The following MTARC2 variants were observed in gnomAD, a reference collection of about 807,000 sequenced individuals.
The protein encoded by MTARC2 is MOCO sulphurase C-terminal domain containing 2.
A neutral mutation model predicts 35.6 loss-of-function variants in MTARC2; 27 were observed. The observed-to-expected ratio is 0.76, with a 90% CI of 0.56 to 1.04. The LOEUF is 1.04. Among genes scored for constraint, MTARC2 ranks in the 50% least tolerant of loss-of-function variants. The pLI is 0.00. For missense variants in MTARC2, 412 were observed against 432.5 expected, an observed-to-expected ratio of 0.95 and a Z score of 0.42; for synonymous variants, 158 against 167.1, an observed-to-expected ratio of 0.95 and a Z score of 0.42.
At chr1:220,782,711 C>A (rs1672112411) in intron 7 of MTARC2, among the ~76,000 whole-genome samples, 1 of 152,178 alleles carries the variant, frequency 6.6e-6, no homozygotes, top group South Asian at 2.1e-4. Context: ...CACAACCTGA[C>A]CCTCCTTAAG....
intron 2 of MTARC2, 121 bp from the exon 3 acceptor site, chr1:220,761,537 G>C: frequency 1.1e-6 from 1 of 912,462 alleles, no homozygotes; most frequent in South Asian, 1.9e-5. Context: ...TTTGACCCAG[G>C]GACCACTTAA....
chr1:220,754,906 A>T (rs1287033986), intron 1 of MTARC2, 41 bp from the exon 2 acceptor site: 1 of 1,525,084 alleles, frequency 6.6e-7, no homozygotes. Context: ...TGGGAGGTGG[A>T]AGAGGATTTT....
At chr1:220,759,643 G>A (rs337143) in intron 2 of MTARC2, among the ~76,000 whole-genome samples, 4,761 of 152,210 alleles carry the variant, frequency 0.031, 240 homozygotes, top group African/African-American at 0.1. Flanking sequence ...GAGGGGATGA[G>A]GGAAGAGCTC....
chr1:220,782,471 A>G (rs1672102715), intron 7 of MTARC2, among the ~76,000 whole-genome samples: 1 of 152,222 alleles, frequency 6.6e-6, no homozygotes, highest in Non-Finnish European at 1.5e-5. Context: ...CATTGATTTC[A>G]TTGTGTCCAA....
chr1:220,748,367 C>T lies in MTARC2; in HGVS notation c.-165C>T. The T allele has an allele frequency of 1.5e-6, 1 of 682,312 alleles. No individual in the cohort carries two copies. The highest frequency in any genetic ancestry group is 2.1e-6 in the Non-Finnish European group (1 of 478,158). The allele number at this position is 682,312 out of a possible 1,614,324, so 42.3% of individuals were successfully genotyped here. On this transcript the variant is annotated 5_prime_UTR_variant, in exon 1 of 8. Coordinates refer to ENST00000366913, the MANE Select transcript of MTARC2 (RefSeq NM_017898.5). ...CACCGCATTAAGGCATTCCCGCTCTCCGCGGAACTGCTCTGCCGTCTCGGC... is the reference window on the plus strand; with the variant it reads ...CACCGCATTAAGGCATTCCCGCTCTTCGCGGAACTGCTCTGCCGTCTCGGC...
chr1:220,766,822 T>C (rs533786431), intron 4 of MTARC2, among the ~76,000 whole-genome samples: 2 of 147,308 alleles, frequency 1.4e-5, no homozygotes, highest in East Asian at 4.1e-4. Context: ...TTCTTCTTCT[T>C]CTTTTTTTTT....
At chr1:220,762,652 G>A (rs1324512598) in intron 3 of MTARC2, among the ~76,000 whole-genome samples, 1 of 152,128 alleles carries the variant, frequency 6.6e-6, no homozygotes, top group African/African-American at 2.4e-5. Context: ...GAGTGGGAGT[G>A]GGAACCCAGG....
intron 4 of MTARC2, among the ~76,000 whole-genome samples, chr1:220,774,081 T>G (rs527351950): frequency 6.6e-6 from 1 of 152,004 alleles, no homozygotes; most frequent in East Asian, 1.9e-4. Context: ...GTTTTTTTTT[T>G]TTCAGACAGG....
In MTARC2 at chr1:220,774,731, G is replaced by A. The variant is rs572178693; in HGVS notation, c.751-5287G>A. ...CCCATTGCCACGGCAGGCCATGCAG[G>A]CTCTTTCCACCTCACTCTCAGCGGT... On this transcript the variant is annotated intron_variant, in intron 4 of 7. Coordinates refer to ENST00000366913, the MANE Select transcript of MTARC2 (RefSeq NM_017898.5). Among the ~76,000 whole-genome samples the A allele has an allele frequency of 1.1e-3, 166 of 152,290 alleles. 1 individual carries two copies. Among genetic ancestry groups the A allele is most frequent in the African/African-American group, 3.9e-3 (161 of 41,564 alleles).
At chr1:220,779,393 A>G (rs748971932) in intron 4 of MTARC2, among the ~76,000 whole-genome samples, 7 of 152,200 alleles carry the variant, frequency 4.6e-5, no homozygotes, top group Non-Finnish European at 1.0e-4. Context: ...GTATCTCTCT[A>G]GTCCTCCATT....
intron 4 of MTARC2, among the ~76,000 whole-genome samples, chr1:220,767,633 C>A (rs886155833): frequency 1.3e-5 from 2 of 152,236 alleles, no homozygotes; most frequent in Admixed American, 6.5e-5. Context: ...TCTTTGCTCA[C>A]TGTCCTGATG....
chr1:220,770,408 C>T (rs1671710236), intron 4 of MTARC2: 1 of 985,398 alleles, frequency 1.0e-6, no homozygotes. Context: ...TCTTCAGAGA[C>T]GGTGGTGCGC....
intron 2 of MTARC2, among the ~76,000 whole-genome samples, chr1:220,758,809 T>C (rs986585202): frequency 1.3e-5 from 2 of 151,138 alleles, no homozygotes; most frequent in African/African-American, 4.9e-5. Context: ...TGGTTCAATT[T>C]ACAGAAAATT....
intron 4 of MTARC2, among the ~76,000 whole-genome samples, chr1:220,765,418 A>C (rs1481987188): frequency 2.0e-5 from 3 of 152,228 alleles, no homozygotes; most frequent in Non-Finnish European, 4.4e-5. Context: ...TGAGCAAGGA[A>C]GTAATTATGA....
At chr1:220,776,442 A>G (rs9970630) in intron 4 of MTARC2, among the ~76,000 whole-genome samples, 3,618 of 152,158 alleles carry the variant, frequency 0.024, 110 homozygotes, top group African/African-American at 0.064. Context: ...TATATAATTT[A>G]TTATTTTAAA....
chr1:220,756,377 A>G (rs1463511000), intron 2 of MTARC2: 2 of 152,204 alleles, frequency 1.3e-5, no homozygotes, highest in East Asian at 1.9e-4. Context: ...ATGGTTCCCA[A>G]TTTTCAAAAG....
At chr1:220,764,077 G>T (rs186133383) in intron 4 of MTARC2, among the ~76,000 whole-genome samples, 122 of 152,044 alleles carry the variant, frequency 8.0e-4, no homozygotes, top group African/African-American at 2.8e-3. Flanking sequence ...TTCCTTTTGT[G>T]TGAGTAAAAT....
At chr1:220,760,214 G>A (rs1323158052) in intron 2 of MTARC2, among the ~76,000 whole-genome samples, 2 of 152,176 alleles carry the variant, frequency 1.3e-5, no homozygotes, top group Non-Finnish European at 2.9e-5. Context: ...AACATACAGG[G>A]ACCCAAACAA....
chr1:220,762,248 C>T (rs538033779), intron 3 of MTARC2, among the ~76,000 whole-genome samples: 14 of 152,314 alleles, frequency 9.2e-5, no homozygotes, highest in Admixed American at 2.6e-4. Flanking sequence ...GCTGGCGAGG[C>T]GCCTCCCCCT....
Sources: gnomAD v4.1 joint callset for allele counts (sites outside exome capture counted in the v4.1 genomes callset) on GRCh38, gnomAD v4.1.1 for gene constraint, MANE v1.5 for transcripts, NCBI Gene and HGNC (gene_info 2026-07-23, HGNC 2026-07-21) for gene names.